Variants in SULF1 observed in about 807,000 individuals in gnomAD.
The protein encoded by SULF1 is sulfatase 1.
Under a neutral mutation model 110.5 loss-of-function variants are expected in SULF1, and 46 were observed. That is an observed-to-expected ratio of 0.42 (90% CI 0.33 to 0.53). The LOEUF (loss-of-function observed/expected upper bound fraction) is 0.53, where lower values mean the gene tolerates loss of function less well. Among genes scored for constraint, SULF1 ranks in the 20% least tolerant of loss-of-function variants. SULF1 has a pLI of 0.12. For missense variants in SULF1, 941 were observed against 1,094.2 expected (o/e 0.86, Z 1.98); for synonymous variants, 371 against 387.1 (o/e 0.96, Z 0.49).
At chr8:69,599,102 C>G (rs770489451) in intron 8 of SULF1, among the ~76,000 whole-genome samples, 17 of 152,146 alleles carry the variant, frequency 1.1e-4, no homozygotes, top group African/African-American at 1.7e-4. Flanking sequence ...CAGGCTTTCC[C>G]CATGGGAAAT....
At chr8:69,535,538 G>A (rs112991971) in intron 3 of SULF1, among the ~76,000 whole-genome samples, 14 of 152,270 alleles carry the variant, frequency 9.2e-5, no homozygotes, top group South Asian at 8.3e-4. Flanking sequence ...TACAAGAATA[G>A]GGTGCAGCTC....
intron 3 of SULF1, among the ~76,000 whole-genome samples, chr8:69,523,412 G>A (rs745951092): frequency 1.3e-5 from 2 of 152,100 alleles, no homozygotes; most frequent in African/African-American, 2.4e-5. Context: ...TGGAAGAGTC[G>A]TGGGATTAGG....
intron 3 of SULF1, chr8:69,562,684 G>A (rs2150717774): frequency 6.5e-6 from 1 of 152,802 alleles, no homozygotes; most frequent in Middle Eastern, 3.4e-3. Context: ...CAAAGATTTT[G>A]CAGCTCGCCC....
At chr8:69,543,784 T>C (rs1315450510) in intron 3 of SULF1, among the ~76,000 whole-genome samples, 1 of 152,168 alleles carries the variant, frequency 6.6e-6, no homozygotes. Flanking sequence ...AGCATCACTC[T>C]GTGTTGGCAG....
intron 8 of SULF1, among the ~76,000 whole-genome samples, chr8:69,589,344 G>A (rs1806707595): frequency 6.6e-6 from 1 of 152,190 alleles, no homozygotes; most frequent in Non-Finnish European, 1.5e-5. Flanking sequence ...GTTTGAGGAG[G>A]AATCAAATTT....
chr8:69,611,976 G>A (rs1166527230), intron 13 of SULF1, among the ~76,000 whole-genome samples: 1 of 152,084 alleles, frequency 6.6e-6, no homozygotes, highest in Non-Finnish European at 1.5e-5. Flanking sequence ...TACCCAGTTT[G>A]TAGTCTTTTA....
At chr8:69,523,277 G>A (rs897334946) in intron 3 of SULF1, among the ~76,000 whole-genome samples, 2 of 152,126 alleles carry the variant, frequency 1.3e-5, no homozygotes, top group African/African-American at 4.8e-5. Context: ...GAGTTGGGGA[G>A]ACCTGTGGAA....
chr8:69,542,247 A>G (rs1813903628), intron 3 of SULF1, among the ~76,000 whole-genome samples: 1 of 152,160 alleles, frequency 6.6e-6, no homozygotes, highest in Non-Finnish European at 1.5e-5. Flanking sequence ...AGGGCTTCAC[A>G]GTGTTTAAAT....
chr8:69,513,507 T>C (rs1257945949), intron 3 of SULF1, among the ~76,000 whole-genome samples: 2 of 152,226 alleles, frequency 1.3e-5, no homozygotes, highest in South Asian at 2.1e-4. Context: ...TACAAAGTAT[T>C]ACTGTGGAAG....
At chr8:69,498,111 CT>C (rs1331298822) in intron 2 of SULF1, among the ~76,000 whole-genome samples, 22 of 104,194 alleles carry the variant, frequency 2.1e-4, no homozygotes, top group South Asian at 1.3e-3. Context: ...CTCTCTCTCT[CT>C]CCACACACAC....
intron 6 of SULF1, among the ~76,000 whole-genome samples, chr8:69,580,882 T>C (rs1391751087): frequency 6.6e-6 from 1 of 152,208 alleles, no homozygotes; most frequent in Non-Finnish European, 1.5e-5. Context: ...TTTTTGTCTT[T>C]TTACGTTACA....
intron 13 of SULF1, among the ~76,000 whole-genome samples, chr8:69,613,698 C>A (rs1246019071): frequency 1.3e-5 from 2 of 152,132 alleles, no homozygotes; most frequent in South Asian, 2.1e-4. Flanking sequence ...TTCTGTCTCT[C>A]TCACTAAATA....
chr8:69,591,488 C>T (rs898645644), intron 8 of SULF1, among the ~76,000 whole-genome samples: 5 of 151,586 alleles, frequency 3.3e-5, no homozygotes, highest in East Asian at 1.9e-4. Flanking sequence ...GGCATGAACC[C>T]GGGAGGCGGA....
At chr8:69,478,862 C>A (rs1809406977) in intron 1 of SULF1, among the ~76,000 whole-genome samples, 1 of 152,186 alleles carries the variant, frequency 6.6e-6, no homozygotes, top group Admixed American at 6.5e-5. Context: ...AGAGCCAGTA[C>A]ATCCTAAAGG....
intron 1 of SULF1, chr8:69,467,029 C>G (rs999288070): frequency 6.6e-6 from 1 of 152,192 alleles, no homozygotes; most frequent in East Asian, 1.9e-4. Context: ...GCACGGCACA[C>G]TTGTCAAAGC....
At chr8:69,616,185 T>G (rs1360260591) in intron 13 of SULF1, among the ~76,000 whole-genome samples, 1 of 145,846 alleles carries the variant, frequency 6.9e-6, no homozygotes, top group Non-Finnish European at 1.5e-5. Context: ...TGTATATAAA[T>G]ATATATACAC....
chr8:69,475,383 C>G (rs1809257632), intron 1 of SULF1, among the ~76,000 whole-genome samples: 1 of 150,416 alleles, frequency 6.6e-6, no homozygotes, highest in Admixed American at 6.6e-5. Flanking sequence ...AGGGGGATAA[C>G]AAGACAATTG....
chr8:69,519,538 T>G (rs1239133047), intron 3 of SULF1, among the ~76,000 whole-genome samples: 4 of 152,170 alleles, frequency 2.6e-5, no homozygotes, highest in Admixed American at 6.6e-5. Context: ...TAACATTCCT[T>G]GTAGCTGTAA....
At chr8:69,642,233 G>A in intron 22 of SULF1, 1 of 986,740 alleles carries the variant, frequency 1.0e-6, no homozygotes, top group Non-Finnish European at 1.2e-6. Flanking sequence ...GAATGTTGCT[G>A]TTCCTGGTAC....
Sources: gnomAD v4.1 joint callset for allele counts (sites outside exome capture counted in the v4.1 genomes callset) on GRCh38, gnomAD v4.1.1 for gene constraint, MANE v1.5 for transcripts, NCBI Gene and HGNC (gene_info 2026-07-23, HGNC 2026-07-21) for gene names.